SPRED2: variants seen among roughly 807,000 people sequenced by gnomAD.
SPRED2 encodes sprouty-related, EVH1 domain-containing protein 2.
A neutral mutation model predicts 43.0 loss-of-function variants in SPRED2; 47 were observed. The ratio of observed to expected loss-of-function variants is 1.09; its 90% CI spans 0.87 to 1.40. The LOEUF is 1.40. Ranked by LOEUF, SPRED2 falls within the 40% of genes most tolerant of loss-of-function variation. SPRED2 has a pLI of 0.00. For synonymous variants in SPRED2, 225 were observed against 225.7 expected, an observed-to-expected ratio of 1.00 and a Z score of 0.03; for missense variants, 561 against 586.4, an observed-to-expected ratio of 0.96 and a Z score of 0.45.
intron 2 of SPRED2, among the ~76,000 whole-genome samples, chr2:65,343,950 CA>C (rs1674261205): frequency 6.6e-6 from 1 of 151,910 alleles, no homozygotes; most frequent in African/African-American, 2.4e-5. Flanking sequence ...AGTTCGAGAC[CA>C]ACCTAGCCAA....
intron 1 of SPRED2, among the ~76,000 whole-genome samples, chr2:65,359,047 T>C (rs958967102): frequency 6.6e-6 from 1 of 152,246 alleles, no homozygotes; most frequent in Non-Finnish European, 1.5e-5. Context: ...GTACTGATGT[T>C]ATTTTACAAA....
rs1673594995 is a variant in SPRED2, at chr2:65,325,875, C to T, written c.438+6112G>A. ...GCAGGTGCCTGTAATCCCAGCTACT[C>T]AGGAGGCTGAGGCAGGAGAATCACT... On this transcript the variant is annotated intron_variant, in intron 4 of 5. Transcript: ENST00000356388. 2.0e-5 allele frequency among the ~76,000 whole-genome samples: 3 copies of T among 151,890 alleles called. No individual in the cohort carries two copies. In the South Asian group the frequency reaches 6.2e-4, roughly 32 times the overall value.
chr2:65,339,569 C>A (rs981102337), intron 2 of SPRED2, among the ~76,000 whole-genome samples: 2 of 150,980 alleles, frequency 1.3e-5, no homozygotes, highest in East Asian at 1.9e-4. Context: ...ATCTCAAGTA[C>A]CCAGGGACAC....
intron 1 of SPRED2, among the ~76,000 whole-genome samples, chr2:65,390,540 G>C (rs1019047668): frequency 6.6e-6 from 1 of 152,182 alleles, no homozygotes; most frequent in African/African-American, 2.4e-5. Context: ...CTCTGGATCC[G>C]AACTGCCTGA....
At chr2:65,391,145 CT>C (rs1256436436) in intron 1 of SPRED2, among the ~76,000 whole-genome samples, 1 of 150,826 alleles carries the variant, frequency 6.6e-6, no homozygotes, top group Non-Finnish European at 1.5e-5. Context: ...GAGCTTGTCA[CT>C]TTATCTTTGG....
At chr2:65,366,064 C>T (rs754569304) in intron 1 of SPRED2, among the ~76,000 whole-genome samples, 4 of 150,992 alleles carry the variant, frequency 2.6e-5, no homozygotes, top group Non-Finnish European at 4.4e-5. Flanking sequence ...AAAACCCACC[C>T]TATTCACTCC....
chr2:65,312,375 GA>G lies in SPRED2; in HGVS notation c.*1125del. 3 of 985,338 alleles carry G rather than the reference GA, an allele frequency of 3.0e-6. No homozygotes were observed. The highest frequency in any genetic ancestry group is 3.6e-6 in the Non-Finnish European group (3 of 829,908). 61.0% of individuals were successfully genotyped at this position (985,338 alleles called of 1,614,324 possible). On this transcript the variant is annotated 3_prime_UTR_variant, in exon 6 of 6. Coordinates refer to ENST00000356388, the MANE Select transcript of SPRED2 (RefSeq NM_181784.3). The stretch of plus-strand genomic sequence containing the variant: ...TGAAACGAAAACATAAACCCATGAA[GA>G]AAATGCAACCCACCACTCTTCAAAT...
At chr2:65,347,179 T>G (rs978687298) in intron 1 of SPRED2, among the ~76,000 whole-genome samples, 5 of 152,034 alleles carry the variant, frequency 3.3e-5, no homozygotes, top group Non-Finnish European at 5.9e-5. Context: ...TTCTGACCAC[T>G]TTTGCCCTCC....
intron 2 of SPRED2, 45 bp downstream of exon 2, chr2:65,344,674 G>T (rs774922135): frequency 1.2e-6 from 2 of 1,600,010 alleles, no homozygotes; most frequent in Non-Finnish European, 1.7e-6. Context: ...CGTAAAGAAA[G>T]CAGTTGTTAC....
chr2:65,321,360 A>G (rs955683331), intron 4 of SPRED2, among the ~76,000 whole-genome samples: 6 of 152,098 alleles, frequency 3.9e-5, no homozygotes, highest in African/African-American at 7.2e-5. Context: ...CTCTGACTCA[A>G]TGTCAATGCC....
chr2:65,380,947 A>G (rs2103645641), intron 1 of SPRED2, among the ~76,000 whole-genome samples: 1 of 152,338 alleles, frequency 6.6e-6, no homozygotes, highest in African/African-American at 2.4e-5. Flanking sequence ...TGACATGCCA[A>G]GTACACTTTG....
intron 1 of SPRED2, among the ~76,000 whole-genome samples, chr2:65,353,698 T>TTAAACTGAGGTTTAAAAGTATA (rs1674571761): frequency 6.6e-6 from 1 of 152,186 alleles, no homozygotes; most frequent in South Asian, 2.1e-4. Context: ...CTCTATACTT[T>TTAAACTGAGGTTTAAAAGTATA]CCTTTAAACC....
At chr2:65,308,982 C>T (rs984017658), downstream of SPRED2, among the ~76,000 whole-genome samples, 1 of 151,842 alleles carries the variant, frequency 6.6e-6, no homozygotes, top group East Asian at 1.9e-4. Flanking sequence ...CATGGTGAAA[C>T]CCTGTCTCTA....
chr2:65,319,554 T>C (rs1046560672), intron 4 of SPRED2, among the ~76,000 whole-genome samples: 4 of 152,120 alleles, frequency 2.6e-5, no homozygotes, highest in Admixed American at 2.6e-4. Flanking sequence ...CAGAATACAC[T>C]GGGTTTGTCA....
intron 4 of SPRED2, among the ~76,000 whole-genome samples, chr2:65,326,647 A>G (rs1673628361): frequency 6.6e-6 from 1 of 152,116 alleles, no homozygotes; most frequent in South Asian, 2.1e-4. Context: ...TGTGAAATTA[A>G]CAACAACAAA....
chr2:65,415,374 G>C (rs927358328), intron 1 of SPRED2, among the ~76,000 whole-genome samples: 2 of 151,774 alleles, frequency 1.3e-5, no homozygotes, highest in Non-Finnish European at 2.9e-5. Flanking sequence ...TTCATTTCTA[G>C]GTAAAAGCAT....
rs906669200 is a variant in SPRED2, at chr2:65,424,472, A to G, written c.26+7490T>C. ...AGGCCATGGGTATGAGGGTTAATAA[A>G]TTATTCTCAAAGGGCATGGTGGTGT... On this transcript the variant is annotated intron_variant, in intron 1 of 5. Transcript: ENST00000356388. 1.3e-4 allele frequency among the ~76,000 whole-genome samples: 20 copies of G among 151,950 alleles called. 2 individuals carry two copies. Among genetic ancestry groups the G allele is most frequent in the Admixed American group, 1.2e-3 (19 of 15,250 alleles).
In SPRED2 at chr2:65,334,609, T is replaced by C; in HGVS notation, c.369A>G (p.Ile123Met). Residue 123 changes from isoleucine to methionine, a missense_variant, in exon 3 of 6, where the codon ATA becomes ATG. Around this residue, in one of 6 missense-constraint regions of SPRED2, gnomAD observed 305 missense variants for 282.4 expected, o/e 1.08. Transcript: ENST00000356388. ...RGVRKAIEDLIEGSTTSSSTI... is the reference protein window; with the variant it reads ...RGVRKAIEDLMEGSTTSSSTI... The stretch of plus-strand genomic sequence containing the variant: ...ATGCAGCGACAAGTTCAATACCTTC[T>C]ATAAGGTCTTCGATTGCTTTCCTTA... The C allele has an allele frequency of 1.2e-6, 2 of 1,614,216 alleles. No homozygotes were observed. Among genetic ancestry groups the C allele is most frequent in the South Asian group, 1.1e-5 (1 of 91,084 alleles).
chr2:65,339,721 A>T (rs1325696503), intron 2 of SPRED2, among the ~76,000 whole-genome samples: 30 of 25,952 alleles, frequency 1.2e-3, no homozygotes, highest in Admixed American at 7.4e-3. Flanking sequence ...AAATAAAATT[A>T]AAAAAAAATC....
Sources: gnomAD v4.1 joint callset for allele counts (sites outside exome capture counted in the v4.1 genomes callset) on GRCh38, gnomAD v4.1.1 for gene constraint, gnomAD v4.1.1 regional missense constraint, MANE v1.5 for transcripts, NCBI Gene and HGNC (gene_info 2026-07-23, HGNC 2026-07-21) for gene names.